SLC4A4: variants seen among roughly 807,000 people sequenced by gnomAD.
SLC4A4 encodes electrogenic sodium bicarbonate cotransporter 1.
In SLC4A4, 27 loss-of-function variants were observed where a neutral mutation model predicts 111.5. The observed-to-expected ratio is 0.24, with a 90% CI of 0.18 to 0.33. SLC4A4 has a LOEUF of 0.33. Among genes scored for constraint, SLC4A4 ranks in the 10% least tolerant of loss-of-function variants. The pLI is 1.00. For synonymous variants in SLC4A4, 443 were observed against 463.4 expected, an observed-to-expected ratio of 0.96 and a Z score of 0.57; for missense variants, 909 against 1,315.5, an observed-to-expected ratio of 0.69 and a Z score of 4.78.
intron 2 of SLC4A4, among the ~76,000 whole-genome samples, chr4:71,252,184 T>G (rs559998644): frequency 6.6e-6 from 1 of 152,334 alleles, no homozygotes; most frequent in South Asian, 2.1e-4. Flanking sequence ...CTATTGATCA[T>G]GATGACAGAT....
chr4:71,182,104 T>C (rs897272717), intron 2 of SLC4A4, among the ~76,000 whole-genome samples: 1 of 152,242 alleles, frequency 6.6e-6, no homozygotes, highest in East Asian at 1.9e-4. Context: ...GGAACTTTTC[T>C]TGTTCTAGGA....
rs148523498 is a variant in SLC4A4, at chr4:71,526,786, C to T, written c.2167-5276C>T. Reference sequence around the variant, plus strand: ...GTGTGGGCAGGACTGCATTCCTTCTCGAGGCTCTAGGGGAGAATGTGTTTC... The same window carrying T: ...GTGTGGGCAGGACTGCATTCCTTCTTGAGGCTCTAGGGGAGAATGTGTTTC... On this transcript the variant is annotated intron_variant, in intron 16 of 25. Transcript: ENST00000264485. Among the ~76,000 whole-genome samples the T allele has an allele frequency of 3.6e-3, 541 of 152,090 alleles. 5 individuals carry two copies. Among genetic ancestry groups the T allele is most frequent in the African/African-American group, 0.012 (516 of 41,508 alleles).
At chr4:71,247,216 T>C (rs1039560374) in intron 2 of SLC4A4, among the ~76,000 whole-genome samples, 3 of 148,090 alleles carry the variant, frequency 2.0e-5, no homozygotes, top group Admixed American at 6.8e-5. Flanking sequence ...ATATTAAATA[T>C]TTACATCAAT....
chr4:71,443,398 C>T (rs1724950285), intron 8 of SLC4A4, among the ~76,000 whole-genome samples: 1 of 151,802 alleles, frequency 6.6e-6, no homozygotes, highest in South Asian at 2.1e-4. Flanking sequence ...AATCCACCCG[C>T]CTCGGCCTCC....
chr4:71,214,312 A>G (rs1718299634), intron 1 of SLC4A4, among the ~76,000 whole-genome samples: 1 of 152,188 alleles, frequency 6.6e-6, no homozygotes, highest in South Asian at 2.1e-4. Context: ...TTGAAAGGGA[A>G]TGATAATTAA....
chr4:71,287,271 A>G (rs1723988031), intron 3 of SLC4A4, among the ~76,000 whole-genome samples: 1 of 152,252 alleles, frequency 6.6e-6, no homozygotes, highest in Admixed American at 6.5e-5. Context: ...GCAGACATTC[A>G]AAGTATAAAA....
chr4:71,388,418 A>T (rs1435564655), intron 6 of SLC4A4, among the ~76,000 whole-genome samples: 1 of 152,136 alleles, frequency 6.6e-6, no homozygotes, highest in African/African-American at 2.4e-5. Flanking sequence ...CAGTCTTTAT[A>T]TGTCTTTTGA....
chr4:71,171,497 T>A (rs1744939886), intron 2 of SLC4A4, among the ~76,000 whole-genome samples: 1 of 152,214 alleles, frequency 6.6e-6, no homozygotes. Context: ...ACAGGGGTAA[T>A]TTTTATCCTG....
At chr4:71,256,678 GGTA>G (rs1428019662) in intron 3 of SLC4A4, among the ~76,000 whole-genome samples, 2 of 152,194 alleles carry the variant, frequency 1.3e-5, no homozygotes, top group Non-Finnish European at 2.9e-5. Context: ...TATCGATTAA[GGTA>G]GTGGAGTCTG....
intron 3 of SLC4A4, among the ~76,000 whole-genome samples, chr4:71,256,873 C>G (rs1721493496): frequency 6.6e-6 from 1 of 152,226 alleles, no homozygotes; most frequent in Non-Finnish European, 1.5e-5. Flanking sequence ...TGTCTACTCT[C>G]TCTCTTTCTC....
chr4:71,259,114 G>A (rs998719617), intron 3 of SLC4A4, among the ~76,000 whole-genome samples: 7 of 152,258 alleles, frequency 4.6e-5, no homozygotes, highest in South Asian at 2.1e-4. Flanking sequence ...TGCTTCATCC[G>A]TGGCAATATA....
chr4:71,180,640 C>T (rs1307369823), intron 2 of SLC4A4, among the ~76,000 whole-genome samples: 1 of 152,168 alleles, frequency 6.6e-6, no homozygotes, highest in Non-Finnish European at 1.5e-5. Flanking sequence ...CAAATCAAAA[C>T]CACAATGAGA....
At chr4:71,522,819 C>G (rs1193064846) in intron 16 of SLC4A4, among the ~76,000 whole-genome samples, 1 of 152,106 alleles carries the variant, frequency 6.6e-6, no homozygotes, top group Non-Finnish European at 1.5e-5. Context: ...ACCTTCTATG[C>G]TATATTTAGA....
At chr4:71,154,505 G>C (rs1232231418) in intron 2 of SLC4A4, among the ~76,000 whole-genome samples, 3 of 152,076 alleles carry the variant, frequency 2.0e-5, no homozygotes. Context: ...TACAAGAGAG[G>C]ATGCAGTAAA....
At chr4:71,234,019 A>G (rs184551207) in intron 1 of SLC4A4, among the ~76,000 whole-genome samples, 1 of 152,294 alleles carries the variant, frequency 6.6e-6, no homozygotes, top group African/African-American at 2.4e-5. Flanking sequence ...TGTTCCTGCA[A>G]CATCCTAAAC....
At chr4:71,442,540 T>C (rs1294786895) in intron 8 of SLC4A4, among the ~76,000 whole-genome samples, 1 of 152,116 alleles carries the variant, frequency 6.6e-6, no homozygotes, top group East Asian at 1.9e-4. Flanking sequence ...TGTGGGGTCA[T>C]TTACAGTGGC....
chr4:71,248,923 GTCTAGCTAACAATCATAAGCT>G, intron 2 of SLC4A4, among the ~76,000 whole-genome samples: 1 of 152,280 alleles, frequency 6.6e-6, no homozygotes, highest in Admixed American at 6.5e-5. Flanking sequence ...AAGGACAGGA[GTCTAGCTAACAATCATAAGCT>G]TGTGTCTCCT....
At chr4:71,373,749 C>G (rs757775984) in intron 6 of SLC4A4, among the ~76,000 whole-genome samples, 1 of 152,108 alleles carries the variant, frequency 6.6e-6, no homozygotes, top group South Asian at 2.1e-4. Context: ...TTTCAGTAGA[C>G]CAGTGCTGGA....
intron 16 of SLC4A4, among the ~76,000 whole-genome samples, chr4:71,526,449 C>T (rs1288891105): frequency 6.6e-6 from 1 of 151,994 alleles, no homozygotes; most frequent in Non-Finnish European, 1.5e-5. Flanking sequence ...ATTTTAAGAA[C>T]TGTAATCCTG....
Sources: allele counts gnomAD v4.1 joint callset (sites outside exome capture counted in the v4.1 genomes callset), GRCh38; gene constraint gnomAD v4.1.1; transcripts MANE v1.5; gene names NCBI Gene and HGNC (gene_info 2026-07-23, HGNC 2026-07-21).